SAMMSON: variants seen among roughly 807,000 people sequenced by gnomAD.
The protein encoded by SAMMSON is long intergenic non-protein coding RNA 1212.
At chr3:70,174,774 G>A (rs1464440261) in intron 4 of SAMMSON, among the ~76,000 whole-genome samples, 1 of 150,388 alleles carries the variant, frequency 6.6e-6, no homozygotes, top group African/African-American at 2.4e-5. Flanking sequence ...TTTTTTTTAG[G>A]CTGCCATCTA....
chr3:70,402,509 T>C (rs1415581432), intron 2 of SAMMSON, among the ~76,000 whole-genome samples: 1 of 152,226 alleles, frequency 6.6e-6, no homozygotes, highest in Admixed American at 6.5e-5. Context: ...TTTAAAAATA[T>C]ATTTTAACAA....
intron 6 of SAMMSON, chr3:70,283,825 T>C (rs963337907): frequency 1.3e-5 from 2 of 151,942 alleles, no homozygotes; most frequent in Admixed American, 1.3e-4. Flanking sequence ...TGGCCAAATG[T>C]TAACATCTGT....
chr3:70,258,385 T>G (rs1244722339), intron 6 of SAMMSON, among the ~76,000 whole-genome samples: 4 of 152,126 alleles, frequency 2.6e-5, no homozygotes, highest in Non-Finnish European at 5.9e-5. Flanking sequence ...GTTCATTTAT[T>G]GGAAAAATAA....
intron 9 of SAMMSON, among the ~76,000 whole-genome samples, chr3:70,383,350 A>AAT (rs937737562): frequency 6.6e-5 from 10 of 151,424 alleles, no homozygotes; most frequent in South Asian, 2.1e-4. Flanking sequence ...ATAAAAATAA[A>AAT]AAAAAAAAAC....
At chr3:70,272,563 A>T (rs1057089494) in intron 6 of SAMMSON, among the ~76,000 whole-genome samples, 1 of 152,376 alleles carries the variant, frequency 6.6e-6, no homozygotes, top group South Asian at 2.1e-4. Context: ...TGCTATAAAC[A>T]TTCCCGTACA....
chr3:70,413,498 G>A (rs949785383), intron 2 of SAMMSON, among the ~76,000 whole-genome samples: 1 of 152,100 alleles, frequency 6.6e-6, no homozygotes, highest in Non-Finnish European at 1.5e-5. Flanking sequence ...CAAATTAATT[G>A]TAGAAGCAGA....
At chr3:70,044,997 T>TTA (rs1422595833) in intron 3 of SAMMSON, among the ~76,000 whole-genome samples, 1,639 of 131,198 alleles carry the variant, frequency 0.012, 72 homozygotes, top group African/African-American at 0.044. Context: ...TTTAATTATA[T>TTA]AATTAATTAT....
intron 4 of SAMMSON, among the ~76,000 whole-genome samples, chr3:70,081,631 G>A (rs1310358773): frequency 6.6e-6 from 1 of 152,192 alleles, no homozygotes; most frequent in Non-Finnish European, 1.5e-5. Context: ...GGTGTATAGT[G>A]ACATAGTATG....
chr3:70,135,566 G>C (rs893209567), intron 4 of SAMMSON, among the ~76,000 whole-genome samples: 1 of 152,146 alleles, frequency 6.6e-6, no homozygotes, highest in Non-Finnish European at 1.5e-5. Flanking sequence ...TCATTAAAGT[G>C]ATTGATGCAT....
chr3:70,249,930 C>T (rs899876041), intron 6 of SAMMSON, among the ~76,000 whole-genome samples: 6 of 152,164 alleles, frequency 3.9e-5, no homozygotes, highest in African/African-American at 1.2e-4. Flanking sequence ...AGGAACAGTA[C>T]TCCAAGTGGC....
At chr3:70,189,167 A>G (rs994180645) in intron 4 of SAMMSON, among the ~76,000 whole-genome samples, 3 of 152,192 alleles carry the variant, frequency 2.0e-5, no homozygotes, top group African/African-American at 7.2e-5. Context: ...ATCTTGAATT[A>G]CTAATAATTG....
chr3:70,212,943 A>G (rs540845953), intron 4 of SAMMSON, among the ~76,000 whole-genome samples: 1 of 152,094 alleles, frequency 6.6e-6, no homozygotes, highest in Admixed American at 6.6e-5. Context: ...ATAGGCGTGC[A>G]CCAACACAGC....
In SAMMSON at chr3:70,376,270, G is replaced by T. The variant is rs180702364; in HGVS notation, n.914-13304G>T. Among the ~76,000 whole-genome samples the T allele has an allele frequency of 1.9e-3, 282 of 152,272 alleles. 1 individual carries two copies. Among genetic ancestry groups the T allele is most frequent in the Non-Finnish European group, 2.7e-3 (184 of 68,022 alleles). ...ATTTCCTTTGAGTTAACTAAGCGTT[G>T]TCTCCAGTTCGTCCTTCAACTAGTT... On this transcript the variant is annotated intron_variant and non_coding_transcript_variant, in intron 9 of 9. Transcript: ENST00000642114.
At chr3:70,058,192 G>C (rs2067174883) in intron 3 of SAMMSON, among the ~76,000 whole-genome samples, 1 of 151,944 alleles carries the variant, frequency 6.6e-6, no homozygotes, top group African/African-American at 2.4e-5. Context: ...CATTGCACAG[G>C]GGTTGCAAGT....
intron 4 of SAMMSON, chr3:70,183,911 G>A (rs1473513165): frequency 6.6e-6 from 1 of 152,220 alleles, no homozygotes; most frequent in Non-Finnish European, 1.5e-5. Flanking sequence ...GGAAAGATAA[G>A]AAGAGAGAGT....
chr3:70,278,605 T>C (rs767397225), intron 6 of SAMMSON, among the ~76,000 whole-genome samples: 12 of 152,144 alleles, frequency 7.9e-5, no homozygotes, highest in Non-Finnish European at 1.3e-4. Context: ...TTGAATGCCT[T>C]TATTGACTAC....
intron 8 of SAMMSON, among the ~76,000 whole-genome samples, chr3:70,355,968 G>T (rs1279096053): frequency 6.6e-6 from 1 of 152,048 alleles, no homozygotes; most frequent in Non-Finnish European, 1.5e-5. Flanking sequence ...AACTAGGAGA[G>T]ACAAAAAGAC....
chr3:70,159,641 A>T lies in SAMMSON; in HGVS notation n.507+88076A>T, dbSNP rs2067606645. On this transcript the variant is annotated intron_variant and non_coding_transcript_variant, in intron 4 of 9. Coordinates refer to ENST00000642114, the Ensembl canonical transcript of SAMMSON. ...GTAGTGGTGAGTTTTCGGCTCATGC[A>T]ACCACCTCTTGGGTTCAAGCGATTC... 3 of 151,408 alleles carry T rather than the reference A, an allele frequency of 2.0e-5. No homozygotes were observed. In the East Asian group the frequency reaches 5.9e-4, roughly 30 times the overall value. The allele number at this position is 151,408 out of a possible 1,614,324, so 9.4% of individuals were successfully genotyped here. A position where few individuals can be genotyped will look rare whatever the true frequency, so the allele number is the denominator to read the frequency against.
chr3:70,289,998 G>T (rs1369521105), intron 6 of SAMMSON, among the ~76,000 whole-genome samples: 5 of 152,038 alleles, frequency 3.3e-5, no homozygotes, highest in African/African-American at 9.7e-5. Flanking sequence ...CTTTGCCTTT[G>T]GTTTGAATGT....
Sources: gnomAD v4.1 joint callset for allele counts (sites outside exome capture counted in the v4.1 genomes callset) on GRCh38, gnomAD v4.1.1 for gene constraint, MANE v1.5 for transcripts, NCBI Gene and HGNC (gene_info 2026-07-23, HGNC 2026-07-21) for gene names.